Variants in PUS3 observed in about 807,000 individuals in gnomAD.
PUS3 encodes the protein pseudouridine synthase 3.
A neutral mutation model predicts 43.3 loss-of-function variants in PUS3; 36 were observed. The observed-to-expected ratio is 0.83, with a 90% CI of 0.64 to 1.10. The LOEUF is 1.10. Ranked by LOEUF, PUS3 falls within the 50% of genes least tolerant of loss-of-function variation. PUS3 has a pLI of 0.00. For missense variants in PUS3, 544 were observed against 589.9 expected (o/e 0.92, Z 0.81); for synonymous variants, 183 against 199.2 (o/e 0.92, Z 0.69).
rs768901391 is a variant in PUS3 at position 125,895,327 on chromosome 11, A to C, written c.841T>G (p.Cys281Gly). The change falls in exon 3 of 4, where the codon TGT becomes GGT. Residue 281 changes from cysteine to glycine, a missense_variant. Physicochemically the swap from Cys to Gly is radical, Grantham distance 159 (BLOSUM62 -3). Coordinates refer to ENST00000227474, the MANE Select transcript of PUS3 (RefSeq NM_031307.4). ...ATCAGAAAGAGGATAGCCATCATAC[A>C]TCGGACTTGATGATAAAGGAATGCC... is the stretch of plus-strand genomic sequence containing the variant. ...GQAFLYHQVR[C>G]MMAILFLIGQ... The C allele has an allele frequency of 1.2e-6, 2 of 1,614,164 alleles. No individual in the cohort carries two copies. Among genetic ancestry groups the C allele is most frequent in the East Asian group, 2.2e-5 (1 of 44,890 alleles).
intron 3 of PUS3, 93 bp downstream of exon 3, chr11:125,895,131 C>A: frequency 1.0e-6 from 1 of 1,000,706 alleles, no homozygotes; most frequent in Non-Finnish European, 1.4e-6. Context: ...AGTGCAACCT[C>A]CGCCTCCTGG....
rs541693498 is a variant in PUS3, at chr11:125,903,062, T to C, written c.-47+108A>G. 2.3e-4 allele frequency: 99 copies of C among 423,802 alleles called. 1 individual carries two copies. The highest frequency in any genetic ancestry group is 2.0e-3 in the African/African-American group (95 of 46,532). The allele number at this position is 423,802 out of a possible 1,614,324, so 26.3% of individuals were successfully genotyped here. A position where few individuals can be genotyped will look rare whatever the true frequency, so the allele number is the denominator to read the frequency against. On this transcript the variant is annotated intron_variant, in intron 1 of 3. Transcript: ENST00000227474. Reference sequence around the variant, plus strand: ...GCTTTCCTGAAAAGACCAAAGTATGTGAAAGAGGGCAAAAAGAAGACAACA... The same window carrying C: ...GCTTTCCTGAAAAGACCAAAGTATGCGAAAGAGGGCAAAAAGAAGACAACA...
At position 125,896,325 on chromosome 11, in the gene PUS3, C is replaced by G. The variant is rs752289202; in HGVS notation, c.-41G>C. The G allele has an allele frequency of 6.5e-7, 1 of 1,532,376 alleles. No homozygotes were observed. The highest frequency in any genetic ancestry group is 2.3e-5 in the East Asian group (1 of 44,392). The allele number at this position is 1,532,376 out of a possible 1,614,324, so 94.9% of individuals were successfully genotyped here. A position where few individuals can be genotyped will look rare whatever the true frequency, so the allele number is the denominator to read the frequency against. ...GGAATAAACGAACCATACAGGTCTG[C>G]CCTGTCTGAAAAGAGAGCAAAGGGA... is the stretch of plus-strand genomic sequence containing the variant. On this transcript the variant is annotated 5_prime_UTR_variant, in exon 2 of 4. Transcript: ENST00000227474.
In PUS3 at chr11:125,893,542, T is replaced by C; in HGVS notation, c.*243A>G. 2.7e-6 allele frequency: 1 copy of C among 374,708 alleles called. No individual in the cohort carries two copies. The highest frequency in any genetic ancestry group is 4.7e-6 in the Non-Finnish European group (1 of 210,846). The allele number at this position is 374,708 out of a possible 1,614,324, so 23.2% of individuals were successfully genotyped here. A position where few individuals can be genotyped will look rare whatever the true frequency, so the allele number is the denominator to read the frequency against. On this transcript the variant is annotated 3_prime_UTR_variant, in exon 4 of 4. Transcript: ENST00000227474. Reference sequence around the variant, plus strand: ...TACAAGGCACAGGTTTCCAGGTGTATGTAAATACATCTCCATTTTACGTTC... The same window carrying C: ...TACAAGGCACAGGTTTCCAGGTGTACGTAAATACATCTCCATTTTACGTTC...
intron 3 of PUS3, 43 bp downstream of exon 3, chr11:125,895,181 G>A (rs760892058): frequency 1.4e-6 from 2 of 1,476,262 alleles, no homozygotes; most frequent in East Asian, 2.3e-5. Context: ...CCGAGTAGCT[G>A]GGACTACAGG....
intron 1 of PUS3, chr11:125,900,155 A>G (rs771160535): frequency 6.2e-7 from 1 of 1,614,100 alleles, no homozygotes; most frequent in Admixed American, 1.7e-5. Context: ...TGTCCCAAAC[A>G]ATTATCTAGT....
chr11:125,893,870 T>G lies in PUS3; in HGVS notation c.1361A>C (p.Asn454Thr). The G allele has an allele frequency of 6.2e-7, 1 of 1,614,194 alleles. No individual in the cohort carries two copies. Among genetic ancestry groups the G allele is most frequent in the Non-Finnish European group, 8.5e-7 (1 of 1,180,012 alleles). ...EEETKAKRDC[N>T]DTLEEENTNL... ...AGTATTCTCTTCCTCTAGTGTGTCA[T>G]TACAGTCCCTTTTGGCTTTTGTTTC... The change falls in exon 4 of 4, where the codon AAT (asparagine) becomes ACT (threonine). Residue 454 changes from asparagine (N) to threonine (T), a missense_variant. Transcript: ENST00000227474.
rs761712574 is a variant in PUS3, at chr11:125,894,000, A to G, written c.1231T>C (p.Tyr411His). The part of the protein sequence containing the change: ...AFVEGVKMRT[Y>H]KPLMDRPKCQ... ...TTAGGACGGTCCATGAGGGGCTTAT[A>G]TGTGCGCATCTTCACTCCTTCTACA... The change falls in exon 4 of 4, where the codon TAT becomes CAT. Residue 411 changes from tyrosine (Y) to histidine (H), a missense_variant. Transcript: ENST00000227474. 6 of 1,614,000 alleles carry G rather than the reference A, an allele frequency of 3.7e-6. No individual in the cohort carries two copies. Among genetic ancestry groups the G allele is most frequent in the East Asian group, 2.2e-5 (1 of 44,896 alleles).
intron 1 of PUS3, chr11:125,899,774 A>G (rs762724639): frequency 6.2e-7 from 1 of 1,614,240 alleles, no homozygotes; most frequent in Non-Finnish European, 8.5e-7. Flanking sequence ...ACAAAGGCTG[A>G]TGAATGTACA....
rs144728089 is a variant in PUS3, at chr11:125,896,072, A to G, written c.213T>C (p.Tyr71=). 1 of 1,614,170 alleles carries G rather than the reference A, an allele frequency of 6.2e-7. No individual in the cohort carries two copies. The highest frequency in any genetic ancestry group is 1.3e-5 in the African/African-American group (1 of 75,046). Residue 71 remains tyrosine, a synonymous_variant, in exon 2 of 4, where the codon TAT becomes TAC. Coordinates refer to ENST00000227474, the MANE Select transcript of PUS3 (RefSeq NM_031307.4). Reference sequence around the variant, plus strand: ...CAAAGCCCTGGTATCCCCAGCCCATATAGGCTATTCTTAGGGCTACGTGTC... The same window carrying G: ...CAAAGCCCTGGTATCCCCAGCCCATGTAGGCTATTCTTAGGGCTACGTGTC... ...GRRHVALRIA[Y]MGWGYQGFAS... is the part of the protein sequence containing the mutation.
chr11:125,900,977 C>T (rs1944755178), intron 1 of PUS3: 1 of 147,116 alleles, frequency 6.8e-6, no homozygotes, highest in South Asian at 2.2e-4. Flanking sequence ...CGCCACTGCA[C>T]TCCAGCCTGG....
Position 125,894,071 on chromosome 11 carries a change from T to G in PUS3, c.1160A>C (p.Glu387Ala). 1 of 1,614,204 alleles carries G rather than the reference T, an allele frequency of 6.2e-7. No individual in the cohort carries two copies. The change falls in exon 4 of 4, where the codon GAA (glutamate) becomes GCA (alanine). Residue 387 changes from glutamate (E) to alanine (A), a missense_variant. Coordinates refer to ENST00000227474, the MANE Select transcript of PUS3 (RefSeq NM_031307.4). The stretch of plus-strand genomic sequence containing the variant: ...GACAGAGGGCTTAACATTTCCCCAT[T>G]CTGTCATTCCATCCATCTTTGGTCC... ...GIGPKMDGMT[E>A]WGNVKPSVIK... is the part of the protein sequence containing the mutation.
intron 1 of PUS3, chr11:125,899,649 TGAA>T: frequency 6.2e-7 from 1 of 1,614,152 alleles, no homozygotes; most frequent in Non-Finnish European, 8.5e-7. Context: ...AAGCCAGTGA[TGAA>T]GAGAAAGGTG....
intron 1 of PUS3, among the ~76,000 whole-genome samples, chr11:125,898,765 A>AT (rs565353526): frequency 0.21 from 31,252 of 148,058 alleles, 3,412 homozygotes; most frequent in Non-Finnish European, 0.26. Flanking sequence ...TGCTTTTGTG[A>AT]TTTTTTTTTT....
Position 125,895,313 on chromosome 11 carries a change from G to T in PUS3, c.855C>A (p.Ile285=). 1.9e-6 allele frequency: 3 copies of T among 1,614,066 alleles called. No individual in the cohort carries two copies. The highest frequency in any genetic ancestry group is 2.5e-6 in the Non-Finnish European group (3 of 1,180,002). Residue 285 remains isoleucine (I), a synonymous_variant, in exon 3 of 4, where the codon ATC becomes ATA. Transcript: ENST00000227474. ...LYHQVRCMMA[I]LFLIGQGMEK... is the part of the protein sequence containing the mutation. The stretch of plus-strand genomic sequence containing the variant: ...CCATTCCTTGGCCAATCAGAAAGAG[G>T]ATAGCCATCATACATCGGACTTGAT...
chr11:125,897,215 G>C (rs767968867), intron 1 of PUS3, among the ~76,000 whole-genome samples: 3 of 152,100 alleles, frequency 2.0e-5, no homozygotes, highest in Non-Finnish European at 4.4e-5. Context: ...AGGTAGCTTA[G>C]TTTTTTACTA....
intron 1 of PUS3, chr11:125,899,472 G>GTTC (rs1944692395): frequency 1.2e-6 from 2 of 1,614,184 alleles, no homozygotes; most frequent in Admixed American, 3.3e-5. Context: ...GCAGGGCAGG[G>GTTC]TGAAGGAGAT....
chr11:125,896,221 C>G lies in PUS3; in HGVS notation c.64G>C (p.Glu22Gln). The change falls in exon 2 of 4, where the codon GAG becomes CAG. Residue 22 changes from glutamate (E) to glutamine (Q), a missense_variant. Coordinates refer to ENST00000227474, the MANE Select transcript of PUS3 (RefSeq NM_031307.4). Reference sequence around the variant, plus strand: ...TTTTTAAGTCTTTGCACCTCTTGCTCCAGTTCTCGTACTCTTTTTAGGAGC... The same window carrying G: ...TTTTTAAGTCTTTGCACCTCTTGCTGCAGTTCTCGTACTCTTTTTAGGAGC... ...EKLLKRVREL[E>Q]QEVQRLKKEQ... is the part of the protein sequence containing the mutation. 2.5e-6 allele frequency: 4 copies of G among 1,614,094 alleles called. No individual in the cohort carries two copies. Among genetic ancestry groups the G allele is most frequent in the Non-Finnish European group, 3.4e-6 (4 of 1,179,970 alleles).
At position 125,895,725 on chromosome 11, in the gene PUS3, TTTACA is replaced by T. The variant is rs758320488; in HGVS notation, c.438_442del (p.Asn146LysfsTer5). On this transcript the variant is annotated frameshift_variant, in exon 3 of 4. Coordinates refer to ENST00000227474, the MANE Select transcript of PUS3 (RefSeq NM_031307.4). LOFTEE classifies it high-confidence loss of function. ...TTCAGCAGCAGCATTAGCCTCCTCT[TTTACA>T]TTAAAGTCCTCGGAATCCCTGCCCC... 18 of 1,613,136 alleles carry T rather than the reference TTTACA, an allele frequency of 1.1e-5. No homozygotes were observed. Among genetic ancestry groups the T allele is most frequent in the Admixed American group, 1.7e-5 (1 of 59,956 alleles).
Sources: allele counts gnomAD v4.1 joint callset (sites outside exome capture counted in the v4.1 genomes callset), GRCh38; gene constraint gnomAD v4.1.1; transcripts MANE v1.5; gene names NCBI Gene and HGNC (gene_info 2026-07-23, HGNC 2026-07-21).